SLC24A2: variants seen among roughly 807,000 people sequenced by gnomAD.
SLC24A2 encodes solute carrier family 24 member 2, also known as sodium/potassium/calcium exchanger 2.
A neutral mutation model predicts 62.0 loss-of-function variants in SLC24A2; 36 were observed. The ratio of observed to expected loss-of-function variants is 0.58; its 90% confidence interval spans 0.44 to 0.77. SLC24A2 has a LOEUF of 0.77. Ranked by LOEUF, SLC24A2 falls within the 30% of genes least tolerant of loss-of-function variation. The pLI is 0.00. For missense variants in SLC24A2, 846 were observed against 817.9 expected (o/e 1.03, Z -0.42); for synonymous variants, 358 against 294.0 (o/e 1.22, Z -2.23).
rs139002302 is a variant in SLC24A2, at chr9:19,584,262, A to G, written c.1130-7240T>C. On this transcript the variant is annotated intron_variant, in intron 5 of 10. Coordinates refer to ENST00000341998, the MANE Select transcript of SLC24A2 (RefSeq NM_020344.4). ...GTTAGTACAAGTCACAAACTAACAC[A>G]TAGCAAATAGTAAAAAAAAAAAAAA... 2.8e-3 allele frequency among the ~76,000 whole-genome samples: 366 copies of G among 132,428 alleles called. 1 individual carries two copies. The highest frequency in any genetic ancestry group is 9.9e-3 in the African/African-American group (348 of 35,142). 86.9% of individuals were successfully genotyped at this position (132,428 alleles called of 152,430 possible). A position where few individuals can be genotyped will look rare whatever the true frequency, so the allele number is the denominator to read the frequency against.
the SLC24A2 span, among the ~76,000 whole-genome samples, chr9:20,271,298 T>C: frequency 1.8e-4 from 27 of 152,344 alleles, no homozygotes; most frequent in African/African-American, 6.5e-4. Context: ...ATGATGCATG[T>C]CTGACTGTAG....
At chr9:19,603,883 C>G (rs1359477361) in intron 4 of SLC24A2, among the ~76,000 whole-genome samples, 3 of 152,322 alleles carry the variant, frequency 2.0e-5, no homozygotes, top group Middle Eastern at 3.4e-3. Flanking sequence ...GTTCCCTCCT[C>G]CATGCAGCAT....
the SLC24A2 span, among the ~76,000 whole-genome samples, chr9:20,243,296 G>A: frequency 6.6e-6 from 1 of 152,142 alleles, no homozygotes; most frequent in African/African-American, 2.4e-5. Flanking sequence ...CTCTTCTCAT[G>A]AGACTATCAT....
At chr9:19,870,359 C>A in the SLC24A2 span, among the ~76,000 whole-genome samples, 1 of 152,152 alleles carries the variant, frequency 6.6e-6, no homozygotes, top group African/African-American at 2.4e-5. Flanking sequence ...GTATTCCATT[C>A]TTTTGATGGC....
At chr9:20,213,196 A>G in the SLC24A2 span, among the ~76,000 whole-genome samples, 1 of 151,874 alleles carries the variant, frequency 6.6e-6, no homozygotes, top group African/African-American at 2.4e-5. Flanking sequence ...AGTCAAAAGA[A>G]AATAAATTCC....
At chr9:20,217,592 T>C in the SLC24A2 span, among the ~76,000 whole-genome samples, 4 of 152,300 alleles carry the variant, frequency 2.6e-5, no homozygotes, top group East Asian at 1.9e-4. Flanking sequence ...TCTTATTTTA[T>C]GGCACACACA....
chr9:19,520,756 T>C (rs1833157520), intron 10 of SLC24A2, 138 bp downstream of exon 10: 2 of 795,102 alleles, frequency 2.5e-6, no homozygotes, highest in Non-Finnish European at 4.3e-6. Flanking sequence ...GGAAATGCAA[T>C]GGTATTCTCA....
the SLC24A2 span, among the ~76,000 whole-genome samples, chr9:19,903,530 G>A: frequency 6.6e-6 from 1 of 152,142 alleles, no homozygotes; most frequent in Non-Finnish European, 1.5e-5. Flanking sequence ...CATAACTCAG[G>A]ATATGGCAGA....
chr9:19,809,540 C>A, the SLC24A2 span, among the ~76,000 whole-genome samples: 1 of 151,976 alleles, frequency 6.6e-6, no homozygotes, highest in Non-Finnish European at 1.5e-5. Flanking sequence ...ACAACAGCAG[C>A]CTATAAAATC....
At chr9:19,690,449 A>T (rs1820011267) in intron 2 of SLC24A2, among the ~76,000 whole-genome samples, 1 of 152,114 alleles carries the variant, frequency 6.6e-6, no homozygotes, top group Non-Finnish European at 1.5e-5. Flanking sequence ...TGGAGGAAGC[A>T]CTGGAAACAG....
At chr9:19,865,321 T>C in the SLC24A2 span, among the ~76,000 whole-genome samples, 2 of 151,868 alleles carry the variant, frequency 1.3e-5, no homozygotes, top group South Asian at 4.1e-4. Context: ...TTCACAGAAA[T>C]AGAAAAAGCA....
chr9:20,217,382 A>G, the SLC24A2 span, among the ~76,000 whole-genome samples: 1 of 152,204 alleles, frequency 6.6e-6, no homozygotes, highest in Non-Finnish European at 1.5e-5. Flanking sequence ...GATGTTCATC[A>G]TCTTAATGCA....
chr9:20,143,216 T>C, the SLC24A2 span, among the ~76,000 whole-genome samples: 1 of 152,090 alleles, frequency 6.6e-6, no homozygotes, highest in Non-Finnish European at 1.5e-5. Flanking sequence ...AGAAAACTAT[T>C]TGTCCAGTGG....
chr9:20,002,936 A>G, the SLC24A2 span, among the ~76,000 whole-genome samples: 4 of 152,152 alleles, frequency 2.6e-5, no homozygotes, highest in African/African-American at 9.7e-5. Flanking sequence ...ACATTCACAA[A>G]TGGCCCCGTG....
At chr9:19,937,693 G>T in the SLC24A2 span, among the ~76,000 whole-genome samples, 1 of 152,128 alleles carries the variant, frequency 6.6e-6, no homozygotes, top group Non-Finnish European at 1.5e-5. Flanking sequence ...CAGATATTTT[G>T]TTTATGATAT....
At position 19,599,497 on chromosome 9, in the gene SLC24A2, T is replaced by C. The variant is rs1453505352; in HGVS notation, c.1079-2218A>G. ...ATCTGCCCAAACAAAGAGAACCATG[T>C]TTACAGTTTACTGAAGAAAAGTCAG... On this transcript the variant is annotated intron_variant, in intron 4 of 10. Coordinates refer to ENST00000341998, the MANE Select transcript of SLC24A2 (RefSeq NM_020344.4). The surrounding 1 kb of genome is among the most constrained non-coding windows in gnomAD (Gnocchi z 4.5). Among the ~76,000 whole-genome samples, 1 of 152,070 alleles carries C rather than the reference T, an allele frequency of 6.6e-6. No homozygotes were observed. The highest frequency in any genetic ancestry group is 2.4e-5 in the African/African-American group (1 of 41,408).
At chr9:19,749,040 T>C (rs1466074051) in intron 2 of SLC24A2, among the ~76,000 whole-genome samples, 1 of 150,388 alleles carries the variant, frequency 6.6e-6, no homozygotes, top group Non-Finnish European at 1.5e-5. Flanking sequence ...TATTTCCAGA[T>C]GCCATCATAA....
the SLC24A2 span, among the ~76,000 whole-genome samples, chr9:20,041,061 A>G: frequency 4.0e-3 from 602 of 152,360 alleles, 3 homozygotes; most frequent in Non-Finnish European, 6.7e-3. Context: ...ACTTTCTTTT[A>G]AAGAAGCAAT....
chr9:20,061,652 A>G, the SLC24A2 span, among the ~76,000 whole-genome samples: 1 of 152,224 alleles, frequency 6.6e-6, no homozygotes, highest in Non-Finnish European at 1.5e-5. Flanking sequence ...TTTTCAATAG[A>G]TGGTTGTGCT....
Sources: allele counts gnomAD v4.1 joint callset (sites outside exome capture counted in the v4.1 genomes callset), GRCh38; gene constraint gnomAD v4.1.1; non-coding constraint Gnocchi (gnomAD v3.1); transcripts MANE v1.5; gene names NCBI Gene and HGNC (gene_info 2026-07-23, HGNC 2026-07-21).